FOCAD: variants seen among roughly 807,000 people sequenced by gnomAD.
FOCAD encodes the protein focadhesin, also known as KIAA1797.
In FOCAD, 198 loss-of-function variants were observed where a neutral mutation model predicts 225.6. The observed-to-expected ratio is 0.88, with a 90% CI of 0.78 to 0.99. The LOEUF is 0.99. Ranked by LOEUF, FOCAD falls within the 50% of genes least tolerant of loss-of-function variation. FOCAD has a pLI of 0.00. For missense variants in FOCAD, 2,713 were observed against 2,123.6 expected (o/e 1.28, Z -5.46); for synonymous variants, 897 against 755.0 (o/e 1.19, Z -3.08).
chr9:20,768,940 G>A lies in FOCAD; in HGVS notation c.700-1092G>A, dbSNP rs562093297. On this transcript the variant is annotated intron_variant, in intron 7 of 43. Transcript: ENST00000338382. Reference sequence around the variant, plus strand: ...TGTTAAAGATTAGAGAGCCTTTAATGCTAGGTTGCTGAGATTGTCTTTTGA... The same window carrying A: ...TGTTAAAGATTAGAGAGCCTTTAATACTAGGTTGCTGAGATTGTCTTTTGA... Among the ~76,000 whole-genome samples, 5 of 152,214 alleles carry A rather than the reference G, an allele frequency of 3.3e-5. No homozygotes were observed. In the South Asian group the frequency reaches 1.0e-3, roughly 32 times the overall value.
intron 11 of FOCAD, among the ~76,000 whole-genome samples, chr9:20,794,993 A>G (rs532640141): frequency 2.2e-3 from 329 of 152,360 alleles, no homozygotes; most frequent in African/African-American, 7.4e-3. Context: ...ATTGAATGAT[A>G]TCAAAATATC....
intron 5 of FOCAD, among the ~76,000 whole-genome samples, chr9:20,742,562 C>T (rs896595801): frequency 1.3e-5 from 2 of 152,158 alleles, no homozygotes; most frequent in Admixed American, 1.3e-4. Flanking sequence ...GTCAGAACTG[C>T]ATTTTAGAAA....
At chr9:20,877,148 T>A (rs1379967223) in intron 19 of FOCAD, among the ~76,000 whole-genome samples, 1 of 55,766 alleles carries the variant, frequency 1.8e-5, no homozygotes, top group Non-Finnish European at 3.5e-5. Context: ...CGATGTGAAT[T>A]TTATAGGGTT....
At chr9:20,809,155 A>G (rs940821347) in intron 11 of FOCAD, among the ~76,000 whole-genome samples, 3 of 152,170 alleles carry the variant, frequency 2.0e-5, no homozygotes, top group African/African-American at 4.8e-5. Flanking sequence ...CAACAATTTA[A>G]TGTATGTAAC....
At chr9:20,786,319 A>G (rs188578794) in intron 10 of FOCAD, among the ~76,000 whole-genome samples, 1 of 152,298 alleles carries the variant, frequency 6.6e-6, no homozygotes, top group African/African-American at 2.4e-5. Context: ...GGAATTAGTA[A>G]GTCTTAGATG....
chr9:20,712,725 A>G (rs538162493), intron 1 of FOCAD, among the ~76,000 whole-genome samples: 12 of 126,382 alleles, frequency 9.5e-5, no homozygotes, highest in African/African-American at 3.4e-4. Context: ...CCTTTCTCCT[A>G]TATTCTTTTT....
intron 30 of FOCAD, among the ~76,000 whole-genome samples, chr9:20,947,685 AC>A (rs573858833): frequency 1.1e-4 from 17 of 152,156 alleles, no homozygotes; most frequent in South Asian, 4.2e-4. Context: ...CTGAAAAAAA[AC>A]ATTTTATCTG....
intron 27 of FOCAD, among the ~76,000 whole-genome samples, chr9:20,930,718 C>T (rs979298556): frequency 1.3e-5 from 2 of 152,182 alleles, no homozygotes; most frequent in Admixed American, 6.5e-5. Context: ...GGATTATTCT[C>T]TTAGTCTTTG....
intron 4 of FOCAD, among the ~76,000 whole-genome samples, chr9:20,723,671 T>G (rs896856359): frequency 3.9e-5 from 6 of 152,338 alleles, no homozygotes; most frequent in African/African-American, 1.4e-4. Context: ...GTATGTGTAT[T>G]TACATGTATA....
chr9:20,959,289 T>G (rs918825330), intron 35 of FOCAD, among the ~76,000 whole-genome samples: 4 of 152,202 alleles, frequency 2.6e-5, no homozygotes, highest in East Asian at 3.8e-4. Context: ...ATTTTCCTGA[T>G]GATTAGTGAT....
intron 11 of FOCAD, among the ~76,000 whole-genome samples, chr9:20,806,660 A>T (rs1306439894): frequency 6.6e-6 from 1 of 152,200 alleles, no homozygotes; most frequent in Non-Finnish European, 1.5e-5. Context: ...AGTACCATGC[A>T]AATGCTAGTT....
Position 20,866,917 on chromosome 9 carries a change from T to TTTTAACAAAA in FOCAD, c.2107-12_2107-11insTTTAACAAAA. 2 of 764,968 alleles carry TTTTAACAAAA rather than the reference T, an allele frequency of 2.6e-6. No individual in the cohort carries two copies. Among genetic ancestry groups the TTTTAACAAAA allele is most frequent in the Non-Finnish European group, 4.0e-6 (2 of 498,464 alleles). 47.4% of individuals were successfully genotyped at this position (764,968 alleles called of 1,614,324 possible). A position where few individuals can be genotyped will look rare whatever the true frequency, so the allele number is the denominator to read the frequency against. On this transcript the variant is annotated splice_polypyrimidine_tract_variant and intron_variant, in intron 17 of 43. Transcript: ENST00000338382. The stretch of plus-strand genomic sequence containing the variant: ...TTTTTTTTTTTTTTTTTTTTTTTTT[T>TTTTAACAAAA]ACCCTATCTAGGACCCAATTGTAGC...
intron 28 of FOCAD, among the ~76,000 whole-genome samples, chr9:20,933,311 C>G (rs1163587078): frequency 6.6e-6 from 1 of 152,204 alleles, no homozygotes; most frequent in African/African-American, 2.4e-5. Context: ...GCAGTATACA[C>G]TGCACACAAT....
intron 25 of FOCAD, among the ~76,000 whole-genome samples, chr9:20,925,260 A>G (rs116025957): frequency 0.019 from 2,890 of 152,336 alleles, 98 homozygotes; most frequent in African/African-American, 0.065. Flanking sequence ...GCATAGATCT[A>G]CAACCTAAAA....
chr9:20,882,012 T>G lies in FOCAD; in HGVS notation c.2459T>G (p.Met820Arg), dbSNP rs1357429605. 5 of 1,613,710 alleles carry G rather than the reference T, an allele frequency of 3.1e-6. No homozygotes were observed. In the Admixed American group the frequency reaches 8.3e-5, roughly 27 times the overall value. ...GGAATCCCCAATTTTATATTGAAAATGTATGAAACAAACAAGCAACCAGGA... is the reference window on the plus strand; with the variant it reads ...GGAATCCCCAATTTTATATTGAAAAGGTATGAAACAAACAAGCAACCAGGA... ...VAGIPNFILK[M>R]YETNKQPGLK... The change falls in exon 20 of 44, where the codon ATG becomes AGG. Residue 820 changes from methionine to arginine, a missense_variant. Coordinates refer to ENST00000338382, the MANE Select transcript of FOCAD (RefSeq NM_001375567.1).
intron 31 of FOCAD, 140 bp downstream of exon 31, chr9:20,948,533 CT>C: frequency 1.1e-6 from 1 of 925,902 alleles, no homozygotes; most frequent in Non-Finnish European, 1.6e-6. Context: ...AGATCACATA[CT>C]TTTAAATCCC....
At chr9:20,884,826 A>T (rs1469302136) in intron 20 of FOCAD, among the ~76,000 whole-genome samples, 1 of 151,574 alleles carries the variant, frequency 6.6e-6, no homozygotes, top group Non-Finnish European at 1.5e-5. Context: ...CTTTGGGAGG[A>T]TGAGGCAGGC....
intron 18 of FOCAD, 118 bp from the exon 19 acceptor site, chr9:20,874,563 T>C: frequency 1.0e-6 from 1 of 982,272 alleles, no homozygotes; most frequent in East Asian, 2.6e-5. Context: ...TCTTTTATGT[T>C]ATAGAGTGAT....
chr9:20,808,466 G>C lies in FOCAD; in HGVS notation c.1456-11330G>C, dbSNP rs967136249. ...ATAAAGGTGTGCATAAAGTTAGAGT[G>C]ACAAACAGTACTTCGAGTATTCTTT... On this transcript the variant is annotated intron_variant, in intron 11 of 43. Coordinates refer to ENST00000338382, the MANE Select transcript of FOCAD (RefSeq NM_001375567.1). Among the ~76,000 whole-genome samples, 29 of 152,178 alleles carry C rather than the reference G, an allele frequency of 1.9e-4. 1 individual carries two copies. The highest frequency in any genetic ancestry group is 5.6e-4 in the African/African-American group (23 of 41,436).
Sources: gnomAD v4.1 joint callset for allele counts (sites outside exome capture counted in the v4.1 genomes callset) on GRCh38, gnomAD v4.1.1 for gene constraint, MANE v1.5 for transcripts, NCBI Gene and HGNC (gene_info 2026-07-23, HGNC 2026-07-21) for gene names.